YARS2: variants seen among roughly 807,000 people sequenced by gnomAD.
The protein encoded by YARS2 is tyrosyl-tRNA synthetase 2, also known as tyrosine--tRNA ligase, mitochondrial.
Under a neutral mutation model 45.0 loss-of-function variants are expected in YARS2, and 38 were observed. The observed-to-expected ratio is 0.84, with a 90% confidence interval of 0.65 to 1.11. The LOEUF is 1.11. Among genes scored for constraint, YARS2 ranks in the 50% least tolerant of loss-of-function variants. The pLI is 0.00. For missense variants in YARS2, 602 were observed against 599.8 expected (o/e 1.00, Z -0.04); for synonymous variants, 287 against 245.1 (o/e 1.17, Z -1.60).
chr12:32,755,487 C>G lies in YARS2; in HGVS notation c.388G>C (p.Glu130Gln), dbSNP rs1427613958. ...GDPSGRTKER[E>Q]ALETERVRAN... ...CGCACGCGCTCTGTCTCCAGCGCCT[C>G]GCGTTCCTTGGTACGGCCGCTCGGG... The change falls in exon 1 of 5, where the codon GAG becomes CAG. Residue 130 changes from glutamate (E) to glutamine (Q), a missense_variant. Transcript: ENST00000324868. 1 of 1,612,294 alleles carries G rather than the reference C, an allele frequency of 6.2e-7. No homozygotes were observed. The highest frequency in any genetic ancestry group is 1.3e-5 in the African/African-American group (1 of 75,022).
rs1955644364 is a variant in YARS2 at position 32,746,784 on chromosome 12, C to T, written c.*420G>A. On this transcript the variant is annotated 3_prime_UTR_variant, in exon 5 of 5. Transcript: ENST00000324868. ...AACTCCTGGCCTCAAGCGATTTGCCCACCTTGGCCTCCCGAAGTGCTGGGA... is the reference window on the plus strand; with the variant it reads ...AACTCCTGGCCTCAAGCGATTTGCCTACCTTGGCCTCCCGAAGTGCTGGGA... 5.9e-6 allele frequency: 1 copy of T among 170,492 alleles called. No individual in the cohort carries two copies. The highest frequency in any genetic ancestry group is 1.2e-5 in the Non-Finnish European group (1 of 80,196). 10.6% of individuals were successfully genotyped at this position (170,492 alleles called of 1,614,324 possible).
rs1250227406 is a variant in YARS2, at chr12:32,755,592, G to C, written c.283C>G (p.Leu95Val). 1 of 1,613,936 alleles carries C rather than the reference G, an allele frequency of 6.2e-7. No individual in the cohort carries two copies. The highest frequency in any genetic ancestry group is 1.7e-5 in the Admixed American group (1 of 60,030). Residue 95 changes from leucine (L) to valine (V), a missense_variant, in exon 1 of 5, where the codon CTG becomes GTG. By Grantham distance (32) the Leu-to-Val change is conservative. Transcript: ENST00000324868. Reference protein sequence around the residue: ...DSLHVGHLLALLGLFHLQRAG... With the variant: ...DSLHVGHLLAVLGLFHLQRAG... Reference sequence around the variant, plus strand: ...CGCTGCAAATGAAACAGGCCCAGCAGCGCAAGTAGATGACCCACATGAAGC... The same window carrying C: ...CGCTGCAAATGAAACAGGCCCAGCACCGCAAGTAGATGACCCACATGAAGC...
At chr12:32,749,291 C>T (rs10771988) in intron 4 of YARS2, among the ~76,000 whole-genome samples, 21,418 of 151,970 alleles carry the variant, frequency 0.14, 1,533 homozygotes, top group Middle Eastern at 0.18. Context: ...TTTCTGCATC[C>T]CTCTAAAACT....
intron 2 of YARS2, among the ~76,000 whole-genome samples, chr12:32,753,034 G>GC (rs1257902656): frequency 6.6e-6 from 1 of 151,980 alleles, no homozygotes; most frequent in African/African-American, 2.4e-5. Context: ...TGGTATCTTG[G>GC]CCGGGTGCGG....
chr12:32,755,352 C>T lies in YARS2; in HGVS notation c.523G>A (p.Ala175Thr). 3.7e-6 allele frequency: 6 copies of T among 1,614,092 alleles called. No individual in the cohort carries two copies. Among genetic ancestry groups the T allele is most frequent in the Non-Finnish European group, 5.1e-6 (6 of 1,180,044 alleles). ...ACCAGGTGCTGCTTCTGGTACCAGG[C>T]CGAGTTGTCCAGCACAGTGAAGCTG... ...WGSFTVLDNSAWYQKQHLVDF... is the reference protein window; with the variant it reads ...WGSFTVLDNSTWYQKQHLVDF... The change falls in exon 1 of 5, where the codon GCC becomes ACC. Residue 175 changes from alanine to threonine, a missense_variant. Ala to Thr is a moderately conservative substitution (Grantham distance 58). Transcript: ENST00000324868.
rs1266800621 is a variant in YARS2, at chr12:32,747,028, TAAAC to T, written c.*172_*175del. On this transcript the variant is annotated 3_prime_UTR_variant, in exon 5 of 5. Transcript: ENST00000324868. ...ATCAGAAAATAAAACATCCCATTAT[TAAAC>T]AAATATTTATTAACCGGCCCATAAA... is the stretch of plus-strand genomic sequence containing the variant. 4.9e-6 allele frequency: 3 copies of T among 613,236 alleles called. No homozygotes were observed. Among genetic ancestry groups the T allele is most frequent in the Middle Eastern group, 4.4e-4 (1 of 2,262 alleles). The allele number at this position is 613,236 out of a possible 1,614,324, so 38.0% of individuals were successfully genotyped here.
chr12:32,754,141 T>C (rs556923528), intron 1 of YARS2, 56 bp from the exon 2 acceptor site: 2 of 1,602,058 alleles, frequency 1.2e-6, no homozygotes, highest in East Asian at 4.5e-5. Context: ...TGGTAGGTTC[T>C]ACTGTTCACC....
At chr12:32,750,929 C>G in intron 2 of YARS2, 55 bp from the exon 3 acceptor site, 1 of 1,593,840 alleles carries the variant, frequency 6.3e-7, no homozygotes, top group African/African-American at 1.3e-5. Flanking sequence ...ATTTTTATCT[C>G]CAGCTCTTCT....
At chr12:32,750,435 T>C (rs1467766659) in intron 3 of YARS2, among the ~76,000 whole-genome samples, 2 of 152,186 alleles carry the variant, frequency 1.3e-5, no homozygotes, top group Non-Finnish European at 2.9e-5. Context: ...ACTCCTGACC[T>C]CGTGATCAGC....
intron 4 of YARS2, 25 bp downstream of exon 4, chr12:32,749,912 A>C (rs1320436304): frequency 6.2e-7 from 1 of 1,613,202 alleles, no homozygotes; most frequent in Non-Finnish European, 8.5e-7. Flanking sequence ...AATTAACTGT[A>C]AATCTAAAAG....
rs369915186 is a variant in YARS2, at chr12:32,755,448, C to T, written c.427G>A (p.Ala143Thr). 1.9e-6 allele frequency: 3 copies of T among 1,612,874 alleles called. No individual in the cohort carries two copies. The highest frequency in any genetic ancestry group is 1.1e-5 in the South Asian group (1 of 91,080). Residue 143 changes from alanine to threonine, a missense_variant, in exon 1 of 5, where the codon GCT becomes ACT. Transcript: ENST00000324868. Reference sequence around the variant, plus strand: ...AGGGCCTCAAGCCCTAGGCGCAGAGCTCGCGCGTTGGCTCGCACGCGCTCT... The same window carrying T: ...AGGGCCTCAAGCCCTAGGCGCAGAGTTCGCGCGTTGGCTCGCACGCGCTCT... ...ETERVRANAR[A>T]LRLGLEALAA...
intron 3 of YARS2, among the ~76,000 whole-genome samples, 198 bp from the exon 4 acceptor site, chr12:32,750,305 G>A (rs1335314555): frequency 1.3e-5 from 2 of 151,928 alleles, no homozygotes; most frequent in Admixed American, 6.6e-5. Context: ...GGGTTCAGGC[G>A]ATTCTCCTGC....
At chr12:32,753,193 C>T (rs1486610545) in intron 2 of YARS2, among the ~76,000 whole-genome samples, 2 of 151,926 alleles carry the variant, frequency 1.3e-5, no homozygotes, top group Non-Finnish European at 2.9e-5. Context: ...TGGTGTGCAC[C>T]TGAGCCTGGG....
At chr12:32,750,527 T>G (rs572533168) in intron 3 of YARS2, among the ~76,000 whole-genome samples, 192 bp downstream of exon 3, 8 of 152,182 alleles carry the variant, frequency 5.3e-5, no homozygotes, top group Non-Finnish European at 1.2e-4. Flanking sequence ...TAAACATCTA[T>G]CTGGTATAAT....
Position 32,754,151 on chromosome 12 carries a change from C to T in YARS2, c.780-66G>A, listed in dbSNP as rs1021290579. ...AGTGGTGGTAGGTTCTACTGTTCAC[C>T]TTCCAGATTTCTTTCTGGTTACTTG... On this transcript the variant is annotated intron_variant, in intron 1 of 4. Coordinates refer to ENST00000324868, the MANE Select transcript of YARS2 (RefSeq NM_001040436.3). 6.3e-6 allele frequency: 10 copies of T among 1,592,524 alleles called. No homozygotes were observed. The Admixed American group carries it at 1.5e-4, about 24-fold the overall frequency.
Position 32,752,725 on chromosome 12 carries a change from A to G in YARS2, c.947+1193T>C, listed in dbSNP as rs191961282. 3,100 of 357,026 alleles carry G rather than the reference A, an allele frequency of 8.7e-3. 27 individuals carry two copies. The highest frequency in any genetic ancestry group is 0.013 in the Non-Finnish European group (2,435 of 186,780). The allele number at this position is 357,026 out of a possible 1,614,324, so 22.1% of individuals were successfully genotyped here. On this transcript the variant is annotated intron_variant, in intron 2 of 4. Coordinates refer to ENST00000324868, the MANE Select transcript of YARS2 (RefSeq NM_001040436.3). Reference sequence around the variant, plus strand: ...CACTACACTCTAGCCTGGGCAACAAAGTGAGACACTGCCTCAAAAAAAAAA... The same window carrying G: ...CACTACACTCTAGCCTGGGCAACAAGGTGAGACACTGCCTCAAAAAAAAAA...
At position 32,755,735 on chromosome 12, in the gene YARS2, A is replaced by G; in HGVS notation, c.140T>C (p.Leu47Pro). The change falls in exon 1 of 5, where the codon CTG becomes CCG. Residue 47 changes from leucine (L) to proline (P), a missense_variant. By Grantham distance (98) the Leu-to-Pro change is moderately conservative. Transcript: ENST00000324868. Reference protein sequence around the residue: ...GLLAAQKARGLFKDFFPETGT... With the variant: ...GLLAAQKARGPFKDFFPETGT... Reference sequence around the variant, plus strand: ...CGTCTCCGGGAAGAAGTCCTTGAACAGACCTCGAGCCTTCTGCGCTGCCAG... The same window carrying G: ...CGTCTCCGGGAAGAAGTCCTTGAACGGACCTCGAGCCTTCTGCGCTGCCAG... 6.2e-7 allele frequency: 1 copy of G among 1,614,140 alleles called. No individual in the cohort carries two copies. Among genetic ancestry groups the G allele is most frequent in the Non-Finnish European group, 8.5e-7 (1 of 1,180,030 alleles).
chr12:32,750,210 GT>G (rs958565734), intron 3 of YARS2, 103 bp from the exon 4 acceptor site: 338 of 1,418,422 alleles, frequency 2.4e-4, no homozygotes, highest in Non-Finnish European at 2.9e-4. Flanking sequence ...TAGACTAAAA[GT>G]TTTTTTTTGA....
intron 2 of YARS2, among the ~76,000 whole-genome samples, chr12:32,753,486 G>A (rs183419487): frequency 1.7e-3 from 260 of 152,170 alleles, no homozygotes; most frequent in Middle Eastern, 0.01. Flanking sequence ...AGGTATATTT[G>A]TTTCTCATTA....
Sources: gnomAD v4.1 joint callset for allele counts (sites outside exome capture counted in the v4.1 genomes callset) on GRCh38, gnomAD v4.1.1 for gene constraint, MANE v1.5 for transcripts, NCBI Gene and HGNC (gene_info 2026-07-23, HGNC 2026-07-21) for gene names.